Variants in PRH1 observed in about 807,000 individuals in gnomAD.
PRH1 encodes proline rich protein HaeIII subfamily 1, also known as salivary acidic proline-rich phosphoprotein 1/2.
A neutral mutation model predicts 7.9 loss-of-function variants in PRH1; 7 were observed. The ratio of observed to expected loss-of-function variants is 0.89; its 90% CI spans 0.50 to 1.67. PRH1 has a LOEUF of 1.67. Ranked by LOEUF, PRH1 falls within the 40% of genes most tolerant of loss-of-function variation. The probability of loss-of-function intolerance (pLI) is 0.00; values close to 1 mark genes in which losing one functional copy is unlikely to be tolerated. For missense variants in PRH1, 109 were observed against 223.6 expected, an observed-to-expected ratio of 0.49 and a Z score of 3.27; for synonymous variants, 45 against 80.8, an observed-to-expected ratio of 0.56 and a Z score of 2.38.
intron 2 of PRH1, among the ~76,000 whole-genome samples, chr12:10,925,437 T>C (rs937386572): frequency 6.6e-6 from 1 of 152,322 alleles, no homozygotes; most frequent in East Asian, 1.9e-4. Context: ...TCAACATTTT[T>C]GGTTCATTTC....
chr12:11,049,001 A>G, upstream of PRH1: 2 of 298,394 alleles, frequency 6.7e-6, no homozygotes, highest in Admixed American at 7.6e-5. Context: ...CTGAGACATT[A>G]GAACCAAAAA....
chr12:11,092,433 G>T, intron 1 of PRH1: 1 of 314,480 alleles, frequency 3.2e-6, no homozygotes, highest in Non-Finnish European at 6.2e-6. Context: ...AGCTTCCACA[G>T]AGTGAAAGGC....
At chr12:11,133,930 A>T (rs1424803655) in intron 1 of PRH1, 2 of 1,614,054 alleles carry the variant, frequency 1.2e-6, no homozygotes, top group Admixed American at 1.7e-5. Flanking sequence ...TGAGCAAATA[A>T]AACATGCTGA....
intron 2 of PRH1, chr12:10,891,898 C>G (rs560689864): frequency 2.0e-4 from 31 of 152,272 alleles, no homozygotes; most frequent in African/African-American, 6.5e-4. Context: ...GAAGAAGAAG[C>G]TTTACACTGG....
At chr12:11,005,646 C>T (rs1262071299) in intron 1 of PRH1, among the ~76,000 whole-genome samples, 3 of 152,080 alleles carry the variant, frequency 2.0e-5, no homozygotes, top group African/African-American at 7.2e-5. Flanking sequence ...CACATGCATA[C>T]ACGCCCCTCA....
intron 1 of PRH1, among the ~76,000 whole-genome samples, chr12:11,016,292 A>G (rs969691478): frequency 6.6e-6 from 1 of 152,206 alleles, no homozygotes; most frequent in Non-Finnish European, 1.5e-5. Context: ...ACTTAAAGGC[A>G]AGACACTTTG....
intron 1 of PRH1, among the ~76,000 whole-genome samples, chr12:11,083,223 ATAAT>A (rs1481252364): frequency 1.7e-5 from 2 of 118,450 alleles, no homozygotes; most frequent in South Asian, 2.3e-4. Flanking sequence ...GTTATCATAA[ATAAT>A]TAAATTGGAA....
At position 11,082,059 on chromosome 12, in the gene PRH1, T is replaced by A. The variant is rs1337333830; in HGVS notation, n.124-34871A>T. Among the ~76,000 whole-genome samples, 2 of 116,822 alleles carry A rather than the reference T, an allele frequency of 1.7e-5. 1 individual carries two copies. Among genetic ancestry groups the A allele is most frequent in the African/African-American group, 5.7e-5 (2 of 34,980 alleles). 76.6% of individuals were successfully genotyped at this position (116,822 alleles called of 152,430 possible). ...TAAATGTATTCAGCCTGACTTGAAC[T>A]TTGCTGTTTACTAATATAACTTTCC... On this transcript the variant is annotated intron_variant and non_coding_transcript_variant, in intron 1 of 4. Coordinates refer to the PRH1 transcript ENST00000541977.
At chr12:11,043,506 C>T (rs1034891273) in intron 1 of PRH1, among the ~76,000 whole-genome samples, 3 of 152,168 alleles carry the variant, frequency 2.0e-5, no homozygotes, top group Middle Eastern at 3.4e-3. Flanking sequence ...GCCAAATTAT[C>T]CCTGTTTTCA....
At chr12:10,988,346 G>T (rs905938565) in intron 1 of PRH1, among the ~76,000 whole-genome samples, 2 of 152,096 alleles carry the variant, frequency 1.3e-5, no homozygotes, top group Non-Finnish European at 2.9e-5. Flanking sequence ...AAGAAAAATA[G>T]ATGGGGAGTG....
intron 2 of PRH1, among the ~76,000 whole-genome samples, chr12:10,920,549 C>T (rs1301793958): frequency 6.6e-6 from 1 of 151,964 alleles, no homozygotes; most frequent in Non-Finnish European, 1.5e-5. Context: ...TTTAATTCCA[C>T]ATTTTAATGG....
intron 2 of PRH1, among the ~76,000 whole-genome samples, chr12:10,962,340 C>T (rs1455277071): frequency 6.6e-6 from 1 of 152,106 alleles, no homozygotes; most frequent in South Asian, 2.1e-4. Flanking sequence ...ACAAATATAT[C>T]ATTCACAATC....
At chr12:11,138,798 G>C (rs541790923) in intron 1 of PRH1, among the ~76,000 whole-genome samples, 20 of 117,750 alleles carry the variant, frequency 1.7e-4, no homozygotes, top group Non-Finnish European at 3.7e-4. Flanking sequence ...CACCATTTTA[G>C]GAGGCTGAGG....
chr12:10,976,811 C>T (rs1053841503), intron 1 of PRH1, among the ~76,000 whole-genome samples: 3 of 151,984 alleles, frequency 2.0e-5, no homozygotes, highest in African/African-American at 7.2e-5. Context: ...AGCTAGAAAA[C>T]CTAGAAGAAA....
At chr12:11,140,408 A>G (rs1270158959) in intron 1 of PRH1, among the ~76,000 whole-genome samples, 1 of 152,182 alleles carries the variant, frequency 6.6e-6, no homozygotes, top group Non-Finnish European at 1.5e-5. Flanking sequence ...TGTTTTAAAA[A>G]GTAGGCCTAA....
chr12:11,063,012 A>G (rs1380874482), intron 1 of PRH1, among the ~76,000 whole-genome samples: 1 of 152,108 alleles, frequency 6.6e-6, no homozygotes, highest in South Asian at 2.1e-4. Context: ...AAATAAAAAA[A>G]GGAGTTTCCA....
intron 2 of PRH1, among the ~76,000 whole-genome samples, chr12:10,953,141 T>C (rs1591720935): frequency 6.6e-6 from 1 of 150,756 alleles, no homozygotes; most frequent in Non-Finnish European, 1.5e-5. Flanking sequence ...ATCCAAAGAA[T>C]GGCAACTTCG....
chr12:11,058,380 T>C (rs918066300), intron 1 of PRH1, among the ~76,000 whole-genome samples: 1 of 152,226 alleles, frequency 6.6e-6, no homozygotes, highest in Admixed American at 6.5e-5. Context: ...ATAGGTGATG[T>C]TTTCAGGTTT....
At chr12:11,003,708 T>G in intron 1 of PRH1, among the ~76,000 whole-genome samples, 1 of 152,154 alleles carries the variant, frequency 6.6e-6, no homozygotes, top group South Asian at 2.1e-4. Context: ...TATAAGAATT[T>G]ATTTGCAAAA....
Sources: gnomAD v4.1 joint callset for allele counts (sites outside exome capture counted in the v4.1 genomes callset) on GRCh38, gnomAD v4.1.1 for gene constraint, MANE v1.5 for transcripts, NCBI Gene and HGNC (gene_info 2026-07-23, HGNC 2026-07-21) for gene names.